The following PRKG1 variants were observed in gnomAD, a reference collection of about 807,000 sequenced individuals.
The protein encoded by PRKG1 is cGMP-dependent protein kinase 1.
Under a neutral mutation model 88.1 loss-of-function variants are expected in PRKG1, and 35 were observed. The ratio of observed to expected loss-of-function variants is 0.40; its 90% CI spans 0.30 to 0.53. PRKG1 has a LOEUF of 0.53. Ranked by LOEUF, PRKG1 falls within the 20% of genes least tolerant of loss-of-function variation. The probability of loss-of-function intolerance (pLI) is 0.59; values close to 1 mark genes in which losing one functional copy is unlikely to be tolerated. For synonymous variants in PRKG1, 303 were observed against 292.5 expected (o/e 1.04, Z -0.37); for missense variants, 540 against 839.8 (o/e 0.64, Z 4.41).
At chr10:52,143,452 C>T (rs1837640179) in intron 8 of PRKG1, among the ~76,000 whole-genome samples, 1 of 152,122 alleles carries the variant, frequency 6.6e-6, no homozygotes, top group Non-Finnish European at 1.5e-5. Flanking sequence ...GCAAGCATTG[C>T]CAAATGTCTC....
intron 1 of PRKG1, among the ~76,000 whole-genome samples, chr10:51,099,723 A>C (rs1352426187): frequency 6.6e-6 from 1 of 152,076 alleles, no homozygotes; most frequent in Non-Finnish European, 1.5e-5. Context: ...TAATAAAGAG[A>C]CCATCATTAG....
chr10:52,078,875 G>A (rs996649055), intron 7 of PRKG1, among the ~76,000 whole-genome samples: 2 of 152,188 alleles, frequency 1.3e-5, no homozygotes, highest in African/African-American at 2.4e-5. Flanking sequence ...TTTTACAAGA[G>A]TGATGAGATA....
intron 2 of PRKG1, among the ~76,000 whole-genome samples, chr10:51,243,991 G>A (rs1320702349): frequency 6.6e-6 from 1 of 152,076 alleles, no homozygotes; most frequent in African/African-American, 2.4e-5. Context: ...TAACAAACGA[G>A]TTTTGAATTT....
At chr10:51,611,340 C>T (rs948323642) in intron 3 of PRKG1, among the ~76,000 whole-genome samples, 11 of 151,372 alleles carry the variant, frequency 7.3e-5, no homozygotes, top group African/African-American at 2.7e-4. Flanking sequence ...GATGATATCT[C>T]ATTGTGGTTT....
intron 7 of PRKG1, chr10:52,128,032 A>G: frequency 2.0e-6 from 2 of 983,352 alleles, no homozygotes; most frequent in Non-Finnish European, 2.4e-6. Context: ...GTCATTTCCT[A>G]TCAATTTTGA....
chr10:51,073,654 G>T (rs1226748738), upstream of PRKG1, among the ~76,000 whole-genome samples: 2 of 152,150 alleles, frequency 1.3e-5, no homozygotes, highest in Admixed American at 1.3e-4. Flanking sequence ...TTTGGAAGGG[G>T]CAGAAAGGAA....
chr10:51,606,611 T>G (rs1233134159), intron 3 of PRKG1, among the ~76,000 whole-genome samples: 1 of 152,150 alleles, frequency 6.6e-6, no homozygotes, highest in African/African-American at 2.4e-5. Context: ...AGAGAATATT[T>G]AAAATACTCA....
At chr10:51,645,581 A>T (rs1839897557) in intron 3 of PRKG1, among the ~76,000 whole-genome samples, 1 of 152,184 alleles carries the variant, frequency 6.6e-6, no homozygotes, top group South Asian at 2.1e-4. Context: ...AATTTTTTGG[A>T]GTCTGATTAA....
chr10:51,029,201 C>T (rs1265459516), intron 1 of PRKG1, among the ~76,000 whole-genome samples: 3 of 152,168 alleles, frequency 2.0e-5, no homozygotes, highest in Non-Finnish European at 4.4e-5. Context: ...TTTATGGCAA[C>T]AATTCAATAA....
At chr10:51,558,279 T>C (rs1837365341) in intron 3 of PRKG1, among the ~76,000 whole-genome samples, 1 of 152,112 alleles carries the variant, frequency 6.6e-6, no homozygotes, top group Admixed American at 6.6e-5. Context: ...ATGAAGTTTT[T>C]ACCAATATAT....
At chr10:51,445,211 C>T (rs1407681289) in intron 2 of PRKG1, among the ~76,000 whole-genome samples, 1 of 151,764 alleles carries the variant, frequency 6.6e-6, no homozygotes, top group African/African-American at 2.4e-5. Flanking sequence ...ATAAAGGAAA[C>T]AAAGTGTTCT....
intron 3 of PRKG1, among the ~76,000 whole-genome samples, chr10:51,649,341 C>T (rs183923874): frequency 6.6e-6 from 1 of 152,124 alleles, no homozygotes; most frequent in East Asian, 1.9e-4. Flanking sequence ...ACTTTGGATG[C>T]CTTCTTTGTA....
chr10:51,163,515 T>C (rs1046990607), intron 2 of PRKG1, among the ~76,000 whole-genome samples: 14 of 152,196 alleles, frequency 9.2e-5, no homozygotes, highest in Non-Finnish European at 1.8e-4. Context: ...TTCATCTCAC[T>C]AGGGAGTGCC....
intron 2 of PRKG1, among the ~76,000 whole-genome samples, chr10:51,369,998 AC>A (rs1842668107): frequency 6.6e-6 from 1 of 152,132 alleles, no homozygotes; most frequent in East Asian, 1.9e-4. Flanking sequence ...AGCTCAAGCC[AC>A]TCAGTTTTGG....
At chr10:51,391,001 T>A (rs1259940560) in intron 2 of PRKG1, among the ~76,000 whole-genome samples, 1 of 152,166 alleles carries the variant, frequency 6.6e-6, no homozygotes, top group Non-Finnish European at 1.5e-5. Flanking sequence ...TTCGTAAACA[T>A]CATTTGAGGT....
chr10:51,591,122 A>AAGAGTCAGT (rs1838301302), intron 3 of PRKG1, among the ~76,000 whole-genome samples: 1 of 150,600 alleles, frequency 6.6e-6, no homozygotes, highest in Non-Finnish European at 1.5e-5. Context: ...AAGAATAAGT[A>AAGAGTCAGT]AGAGTCAGTA....
At chr10:52,013,466 G>A (rs556788140) in intron 5 of PRKG1, among the ~76,000 whole-genome samples, 1 of 151,910 alleles carries the variant, frequency 6.6e-6, no homozygotes, top group Non-Finnish European at 1.5e-5. Context: ...GGAATGCACT[G>A]TGACTGGGAA....
chr10:51,486,951 G>A (rs961683606), intron 3 of PRKG1, among the ~76,000 whole-genome samples: 2 of 151,912 alleles, frequency 1.3e-5, no homozygotes, highest in African/African-American at 2.4e-5. Context: ...TTAATATTCA[G>A]ATTGCCACAG....
At chr10:51,994,480 T>C (rs528239936) in intron 5 of PRKG1, among the ~76,000 whole-genome samples, 1 of 152,304 alleles carries the variant, frequency 6.6e-6, no homozygotes, top group East Asian at 1.9e-4. Context: ...AGAACCCCTC[T>C]GGGCATTTCC....
Sources: gnomAD v4.1 joint callset for allele counts (sites outside exome capture counted in the v4.1 genomes callset) on GRCh38, gnomAD v4.1.1 for gene constraint, MANE v1.5 for transcripts, NCBI Gene and HGNC (gene_info 2026-07-23, HGNC 2026-07-21) for gene names.